The following NHS variants were observed in gnomAD, a reference collection of about 807,000 sequenced individuals.
NHS encodes the protein NHS actin remodeling regulator.
In NHS, 5 loss-of-function variants were observed where a neutral mutation model predicts 72.5. That is an observed-to-expected ratio of 0.07 (90% CI 0.04 to 0.14). The LOEUF (loss-of-function observed/expected upper bound fraction) is 0.14. NHS is among the 10% of genes least tolerant of loss of function. The pLI is 1.00. For missense variants in NHS, 1,072 were observed against 1,355.7 expected (o/e 0.79, Z 3.29); for synonymous variants, 464 against 547.7 (o/e 0.85, Z 2.13).
At chrX:17,653,414 TTTTC>T (rs970641409) in intron 1 of NHS, among the ~76,000 whole-genome samples, 3 of 109,509 alleles carry the variant, frequency 2.7e-5, no homozygotes, top group Non-Finnish European at 5.7e-5. Context: ...TTTTCTTTTC[TTTTC>T]TTTTTCTTTT....
chrX:17,377,271 C>T (rs891560605), intron 1 of NHS, among the ~76,000 whole-genome samples: 1 of 112,639 alleles, frequency 8.9e-6, no homozygotes, highest in African/African-American at 3.2e-5. Flanking sequence ...GCTTTTACGA[C>T]ACCCAAGGGC....
At chrX:17,433,131 G>A (rs891815308) in intron 1 of NHS, among the ~76,000 whole-genome samples, 3 of 105,855 alleles carry the variant, frequency 2.8e-5, no homozygotes, top group African/African-American at 3.5e-5. Context: ...CCAGGTTCAC[G>A]CCATTCTCCT....
At chrX:17,500,187 A>T (rs1258100260) in intron 1 of NHS, among the ~76,000 whole-genome samples, 2 of 112,202 alleles carry the variant, frequency 1.8e-5, no homozygotes, top group Non-Finnish European at 3.8e-5. Context: ...AACCAGGATA[A>T]GTGGCATGAT....
At chrX:17,526,239 G>T (rs1018806) in intron 1 of NHS, among the ~76,000 whole-genome samples, 5,733 of 112,508 alleles carry the variant, frequency 0.051, 394 homozygotes, top group African/African-American at 0.18. Flanking sequence ...TGAGCTCAGT[G>T]GTTGTTCCAG....
rs1475791610 is a variant in NHS, at chrX:17,732,955, C to T, written c.*491C>T. 1 of 141,379 alleles carries T rather than the reference C, an allele frequency of 7.1e-6. No individual in the cohort carries two copies. Among genetic ancestry groups the T allele is most frequent in the African/African-American group, 3.1e-5 (1 of 31,758 alleles). The allele number at this position is 141,379 out of a possible 1,213,427, so 11.7% of individuals were successfully genotyped here. Reference sequence around the variant, plus strand: ...GATAAAAATGTGTAAATAGATTTATCAATGATGAGTGGACATGTGGTCAAT... The same window carrying T: ...GATAAAAATGTGTAAATAGATTTATTAATGATGAGTGGACATGTGGTCAAT... On this transcript the variant is annotated 3_prime_UTR_variant, in exon 9 of 9. Transcript: ENST00000676302.
At chrX:17,536,172 A>G (rs1370727035) in intron 1 of NHS, among the ~76,000 whole-genome samples, 2 of 111,444 alleles carry the variant, frequency 1.8e-5, no homozygotes, top group Non-Finnish European at 3.8e-5. Flanking sequence ...TGGCTAACAC[A>G]GTGAAACCCC....
intron 1 of NHS, among the ~76,000 whole-genome samples, chrX:17,523,443 G>T (rs2065159289): frequency 8.9e-6 from 1 of 111,781 alleles, no homozygotes; most frequent in Non-Finnish European, 1.9e-5. Flanking sequence ...CTCTGCTGCT[G>T]CCAAAAATGG....
rs376020638 is a variant in NHS at position 17,420,142 on chromosome X, G to A, written c.565+43820G>A. Among the ~76,000 whole-genome samples the A allele has an allele frequency of 1.5e-4, 17 of 111,743 alleles. No individual in the cohort carries two copies. The East Asian group carries it at 3.4e-3, about 22-fold the overall frequency. ...AGGTAATAAATATTAACTGAGTACC[G>A]ACTATGAACCTGACTCTGAGAAATG... On this transcript the variant is annotated intron_variant, in intron 1 of 8. Coordinates refer to ENST00000676302, the MANE Select transcript of NHS (RefSeq NM_001291867.2).
chrX:17,432,352 C>T (rs781049923), intron 1 of NHS, among the ~76,000 whole-genome samples: 4 of 112,597 alleles, frequency 3.6e-5, no homozygotes, highest in African/African-American at 1.3e-4. Flanking sequence ...TGAAGCTGTG[C>T]CTGAGTGTGT....
chrX:17,696,233 G>C (rs1242715573), intron 3 of NHS, among the ~76,000 whole-genome samples: 1 of 112,070 alleles, frequency 8.9e-6, no homozygotes, highest in Non-Finnish European at 1.9e-5. Flanking sequence ...ATATGAAAGA[G>C]AAATTGCCTG....
chrX:17,708,259 C>A (rs2066307604), intron 3 of NHS, among the ~76,000 whole-genome samples: 1 of 111,654 alleles, frequency 9.0e-6, no homozygotes, highest in Non-Finnish European at 1.9e-5. Flanking sequence ...AATCCTTAGC[C>A]CAACTCTCCA....
At chrX:17,663,728 C>G (rs1046897076) in intron 1 of NHS, among the ~76,000 whole-genome samples, 13 of 111,651 alleles carry the variant, frequency 1.2e-4, no homozygotes, top group African/African-American at 3.9e-4. Flanking sequence ...TGGTAAATAT[C>G]TAGGAGTGAA....
chrX:17,612,346 T>C (rs906979989), intron 1 of NHS, among the ~76,000 whole-genome samples: 1 of 110,589 alleles, frequency 9.0e-6, no homozygotes, highest in Non-Finnish European at 1.9e-5. Flanking sequence ...CCCCCGGTTC[T>C]GTCAATCATC....
chrX:17,507,355 C>A (rs930571068), intron 1 of NHS, among the ~76,000 whole-genome samples: 6 of 111,642 alleles, frequency 5.4e-5, no homozygotes, highest in Non-Finnish European at 1.1e-4. Context: ...CTTGGGTGCT[C>A]CTGTGAACTT....
intron 3 of NHS, chrX:17,705,273 A>G (rs1450231114): frequency 2.7e-5 from 3 of 112,106 alleles, no homozygotes; most frequent in African/African-American, 9.7e-5. Flanking sequence ...AGGACTCTCA[A>G]GTTCCAGTTG....
At chrX:17,580,957 T>C (rs1483948625) in intron 1 of NHS, among the ~76,000 whole-genome samples, 5 of 112,195 alleles carry the variant, frequency 4.5e-5, no homozygotes, top group Non-Finnish European at 9.4e-5. Context: ...GGGAGGGCAG[T>C]GAGGAAGTTG....
rs1569292705 is a variant in NHS at position 17,608,684 on chromosome X, T to TG, written c.566-79058_566-79057insG. Among the ~76,000 whole-genome samples the TG allele has an allele frequency of 8.1e-4, 89 of 110,089 alleles. 1 individual carries two copies. Among genetic ancestry groups the TG allele is most frequent in the Middle Eastern group, 4.7e-3 (1 of 212 alleles). Reference sequence around the variant, plus strand: ...ACAATGAAAAGACTTTTTTTTTTTTTTGGGGGGATATAAGTTTATGTGTGT... The same window carrying TG: ...ACAATGAAAAGACTTTTTTTTTTTTTGTGGGGGGATATAAGTTTATGTGTGT... On this transcript the variant is annotated intron_variant, in intron 1 of 8. Coordinates refer to ENST00000676302, the MANE Select transcript of NHS (RefSeq NM_001291867.2).
chrX:17,584,756 T>C (rs1010591755), intron 1 of NHS, among the ~76,000 whole-genome samples: 2 of 111,589 alleles, frequency 1.8e-5, no homozygotes, highest in Non-Finnish European at 3.8e-5. Context: ...CACAAACAAA[T>C]AGTCTCCCTA....
intron 1 of NHS, among the ~76,000 whole-genome samples, chrX:17,540,977 C>T (rs564216454): frequency 1.3e-4 from 15 of 111,426 alleles, no homozygotes; most frequent in Admixed American, 1.9e-4. Context: ...GAGGCTGAGG[C>T]GGGAGGATTG....
Sources: gnomAD v4.1 joint callset for allele counts (sites outside exome capture counted in the v4.1 genomes callset) on GRCh38, gnomAD v4.1.1 for gene constraint, MANE v1.5 for transcripts, NCBI Gene and HGNC (gene_info 2026-07-23, HGNC 2026-07-21) for gene names.